RPS6KC1: variants seen among roughly 807,000 people sequenced by gnomAD.
The protein encoded by RPS6KC1 is ribosomal protein S6 kinase C1, also known as inactive ribosomal protein S6 kinase delta-1.
RPS6KC1 carries 54 observed loss-of-function variants against 103.8 expected under a neutral mutation model. That is an observed-to-expected ratio of 0.52 (90% CI 0.42 to 0.65). The LOEUF is 0.65. RPS6KC1 is among the 30% of genes least tolerant of loss of function. The pLI is 0.00. For missense variants in RPS6KC1, 1,151 were observed against 1,253.8 expected (o/e 0.92, Z 1.24); for synonymous variants, 439 against 438.7 (o/e 1.00, Z -0.01).
At chr1:213,416,393 T>C in the RPS6KC1 span, among the ~76,000 whole-genome samples, 2 of 152,180 alleles carry the variant, frequency 1.3e-5, no homozygotes, top group African/African-American at 4.8e-5. Context: ...GGAGAATGCA[T>C]AGGATTTGGG....
chr1:213,064,427 G>A (rs1215392447), intron 1 of RPS6KC1, among the ~76,000 whole-genome samples: 3 of 151,520 alleles, frequency 2.0e-5, no homozygotes, highest in Non-Finnish European at 4.4e-5. Context: ...GAGTACAATG[G>A]CGCAATCTCA....
chr1:213,681,604 C>T, the RPS6KC1 span, among the ~76,000 whole-genome samples: 1 of 151,998 alleles, frequency 6.6e-6, no homozygotes, highest in Non-Finnish European at 1.5e-5. Context: ...CAAGACCAGC[C>T]TGGGAAATGT....
the RPS6KC1 span, among the ~76,000 whole-genome samples, chr1:213,456,627 C>G: frequency 6.6e-6 from 1 of 152,170 alleles, no homozygotes; most frequent in Non-Finnish European, 1.5e-5. Context: ...AATTTATACC[C>G]TTTCATGATT....
chr1:213,655,294 C>T, the RPS6KC1 span, among the ~76,000 whole-genome samples: 2 of 151,540 alleles, frequency 1.3e-5, no homozygotes, highest in East Asian at 1.9e-4. Context: ...CCACCTGTTT[C>T]GGCCTCCCAA....
chr1:213,686,585 C>T, the RPS6KC1 span, among the ~76,000 whole-genome samples: 1 of 152,058 alleles, frequency 6.6e-6, no homozygotes, highest in African/African-American at 2.4e-5. Context: ...TGTGCTAGAC[C>T]CCATAAATGA....
At chr1:213,653,899 C>T in the RPS6KC1 span, among the ~76,000 whole-genome samples, 1 of 152,130 alleles carries the variant, frequency 6.6e-6, no homozygotes, top group Non-Finnish European at 1.5e-5. Flanking sequence ...ATCTCTTTTC[C>T]AGGGAAGTAA....
chr1:213,380,967 A>G, the RPS6KC1 span, among the ~76,000 whole-genome samples: 1 of 152,166 alleles, frequency 6.6e-6, no homozygotes. Context: ...GCCTGGATCC[A>G]CCAAACAAGG....
chr1:213,262,451 A>G (rs1249463254), intron 13 of RPS6KC1, among the ~76,000 whole-genome samples: 1 of 152,206 alleles, frequency 6.6e-6, no homozygotes, highest in Non-Finnish European at 1.5e-5. Flanking sequence ...AAGCTTTTCT[A>G]TAATATTCTG....
chr1:213,144,348 T>C (rs1052937674), intron 6 of RPS6KC1, among the ~76,000 whole-genome samples: 1 of 152,044 alleles, frequency 6.6e-6, no homozygotes, highest in South Asian at 2.1e-4. Context: ...CAATCATAGC[T>C]CACTGCAGCA....
chr1:213,149,685 C>G (rs1019559448), intron 6 of RPS6KC1, among the ~76,000 whole-genome samples: 5 of 151,560 alleles, frequency 3.3e-5, no homozygotes, highest in African/African-American at 4.9e-5. Flanking sequence ...GTAGATTAAG[C>G]CTGATGTTTC....
At chr1:213,220,003 A>G (rs1256636997) in intron 8 of RPS6KC1, among the ~76,000 whole-genome samples, 1 of 142,122 alleles carries the variant, frequency 7.0e-6, no homozygotes, top group Non-Finnish European at 1.6e-5. Flanking sequence ...AACTTTAAGT[A>G]TAATAATTTA....
the RPS6KC1 span, among the ~76,000 whole-genome samples, chr1:213,300,962 C>T: frequency 1.3e-5 from 2 of 152,154 alleles, no homozygotes; most frequent in Non-Finnish European, 2.9e-5. Context: ...AGCCGATCCT[C>T]TTCTTCACAC....
the RPS6KC1 span, among the ~76,000 whole-genome samples, chr1:213,555,765 T>G: frequency 3.3e-5 from 5 of 152,234 alleles, no homozygotes; most frequent in African/African-American, 1.2e-4. Context: ...TAATTTCACT[T>G]AACTCTCTCC....
chr1:213,541,429 A>C, the RPS6KC1 span, among the ~76,000 whole-genome samples: 4 of 152,174 alleles, frequency 2.6e-5, no homozygotes, highest in Non-Finnish European at 5.9e-5. Flanking sequence ...GCACCAATAC[A>C]CTTGCCCAAT....
chr1:213,791,642 C>A, the RPS6KC1 span, among the ~76,000 whole-genome samples: 1 of 151,990 alleles, frequency 6.6e-6, no homozygotes, highest in East Asian at 1.9e-4. Flanking sequence ...CCTAATTTAC[C>A]TGGAAATGAA....
intron 8 of RPS6KC1, chr1:213,205,223 T>C (rs2093303249): frequency 1.0e-6 from 1 of 983,714 alleles, no homozygotes; most frequent in South Asian, 4.7e-5. Context: ...TTTAATCTAC[T>C]CTACTGATTC....
At chr1:213,107,976 GA>G (rs1375015287) in intron 4 of RPS6KC1, among the ~76,000 whole-genome samples, 1 of 152,080 alleles carries the variant, frequency 6.6e-6, no homozygotes, top group Non-Finnish European at 1.5e-5. Context: ...GGTTATCATT[GA>G]GTTGTAAGAG....
chr1:213,656,507 G>C, the RPS6KC1 span, among the ~76,000 whole-genome samples: 1 of 152,292 alleles, frequency 6.6e-6, no homozygotes, highest in East Asian at 1.9e-4. Flanking sequence ...ATCACAGGTA[G>C]GACCCTTAAT....
chr1:213,763,620 A>T, the RPS6KC1 span, among the ~76,000 whole-genome samples: 2 of 152,218 alleles, frequency 1.3e-5, no homozygotes, highest in African/African-American at 4.8e-5. Flanking sequence ...GAAGAAAGGG[A>T]ATTAAACAGA....
Sources: allele counts gnomAD v4.1 joint callset (sites outside exome capture counted in the v4.1 genomes callset), GRCh38; gene constraint gnomAD v4.1.1; transcripts MANE v1.5; gene names NCBI Gene and HGNC (gene_info 2026-07-23, HGNC 2026-07-21).